Variants in URI1 observed in about 807,000 individuals in gnomAD.
URI1 encodes URI1 prefoldin like chaperone, also known as unconventional prefoldin RPB5 interactor 1.
In URI1, 39 loss-of-function variants were observed where a neutral mutation model predicts 60.2. That is an observed-to-expected ratio of 0.65 (90% CI 0.50 to 0.85). The LOEUF (loss-of-function observed/expected upper bound fraction) is 0.85, where lower values mean the gene tolerates loss of function less well. URI1 is among the 40% of genes least tolerant of loss of function. The pLI is 0.00. For missense variants in URI1, 691 were observed against 665.9 expected, an observed-to-expected ratio of 1.04 and a Z score of -0.42; for synonymous variants, 251 against 236.8, an observed-to-expected ratio of 1.06 and a Z score of -0.55.
rs1357688874 is a variant in URI1 at position 29,986,361 on chromosome 19, G to A, written c.311G>A (p.Trp104Ter). The A allele has an allele frequency of 6.2e-7, 1 of 1,610,070 alleles. No individual in the cohort carries two copies. Among genetic ancestry groups the A allele is most frequent in the East Asian group, 2.2e-5 (1 of 44,538 alleles). Residue 104 changes from tryptophan (W) to a stop codon, truncating the protein, a stop_gained, in exon 4 of 11, where the codon TGG (tryptophan) becomes TAG (stop). Coordinates refer to ENST00000392271, the MANE Select transcript of URI1 (RefSeq NM_003796.3). LOFTEE classifies it high-confidence loss of function. ...GTCACTGTTTTACTGGGGGACAACT[G>A]GTTTGCAAAGTGCTCAGCAAAGCAG... ...NEVTVLLGDN[W>*]FAKCSAKQAV...
intron 1 of URI1, among the ~76,000 whole-genome samples, chr19:29,964,452 G>GTTTTTTTTTTTTT (rs1380907956): frequency 3.6e-5 from 5 of 137,258 alleles, no homozygotes; most frequent in African/African-American, 1.4e-4. Flanking sequence ...TTTTGTTTTT[G>GTTTTTTTTTTTTT]TTTTTTGTTT....
chr19:30,012,564 AT>A, intron 10 of URI1, 33 bp downstream of exon 10: 1 of 1,600,134 alleles, frequency 6.2e-7, no homozygotes. Context: ...TCTTTATTTC[AT>A]ATAGTATCTT....
At chr19:29,996,032 C>T (rs918747920) in intron 4 of URI1, among the ~76,000 whole-genome samples, 1 of 152,044 alleles carries the variant, frequency 6.6e-6, no homozygotes, top group Non-Finnish European at 1.5e-5. Flanking sequence ...GTTTTGAAAA[C>T]AGAAAGATGA....
At chr19:29,926,067 TTTCCTTCC>T (rs752936111) in intron 1 of URI1, among the ~76,000 whole-genome samples, 7 of 152,012 alleles carry the variant, frequency 4.6e-5, no homozygotes, top group Non-Finnish European at 8.8e-5. Flanking sequence ...ATCTTCCTTC[TTTCCTTCC>T]TTCCTTCCTT....
intron 2 of URI1, among the ~76,000 whole-genome samples, chr19:29,981,992 A>C (rs1254344707): frequency 6.6e-6 from 1 of 152,186 alleles, no homozygotes; most frequent in East Asian, 1.9e-4. Flanking sequence ...GTGATCTTTA[A>C]CAGGATTATT....
chr19:29,996,858 G>T (rs12984293), intron 4 of URI1, among the ~76,000 whole-genome samples: 20 of 151,536 alleles, frequency 1.3e-4, no homozygotes, highest in Non-Finnish European at 2.7e-4. Flanking sequence ...GGATTCAATC[G>T]AGATTACCAT....
chr19:29,996,716 T>C (rs1357993875), intron 4 of URI1, among the ~76,000 whole-genome samples: 1 of 152,150 alleles, frequency 6.6e-6, no homozygotes, highest in African/African-American at 2.4e-5. Context: ...TCTTTCATCA[T>C]AGAGTGTGAT....
At chr19:30,006,708 C>G (rs2055947364) in intron 6 of URI1, among the ~76,000 whole-genome samples, 1 of 152,080 alleles carries the variant, frequency 6.6e-6, no homozygotes, top group African/African-American at 2.4e-5. Context: ...AGTGCCATAT[C>G]TCATAACAGG....
intron 4 of URI1, among the ~76,000 whole-genome samples, chr19:30,003,620 G>C (rs1288565765): frequency 6.6e-6 from 1 of 152,002 alleles, no homozygotes; most frequent in Non-Finnish European, 1.5e-5. Flanking sequence ...ACATGCGTGA[G>C]TTATGATGAA....
At chr19:29,946,879 C>G (rs1257465914) in intron 1 of URI1, among the ~76,000 whole-genome samples, 1 of 152,174 alleles carries the variant, frequency 6.6e-6, no homozygotes, top group Non-Finnish European at 1.5e-5. Flanking sequence ...CAAGTTCTTT[C>G]TTTCATGGTT....
chr19:30,011,005 TA>T lies in URI1; in HGVS notation c.1036-88del, dbSNP rs1479117237. 28 of 1,420,092 alleles carry T rather than the reference TA, an allele frequency of 2.0e-5. No individual in the cohort carries two copies. In the Admixed American group the frequency reaches 5.6e-4, roughly 29 times the overall value. 88.0% of individuals were successfully genotyped at this position (1,420,092 alleles called of 1,614,324 possible). A position where few individuals can be genotyped will look rare whatever the true frequency, so the allele number is the denominator to read the frequency against. On this transcript the variant is annotated intron_variant, in intron 8 of 10. Transcript: ENST00000392271. ...AAATTTCAGCTGCCTCTCTTACTAT[TA>T]TTTTTTTAGTTATAGAGTTTATTTG...
intron 2 of URI1, chr19:29,980,175 A>G (rs2145354858): frequency 6.6e-6 from 1 of 152,272 alleles, no homozygotes; most frequent in East Asian, 1.9e-4. Context: ...AAAGCCAGGC[A>G]TCCTTCAAGC....
intron 3 of URI1, among the ~76,000 whole-genome samples, 178 bp downstream of exon 3, chr19:29,985,479 C>T (rs1212663858): frequency 2.0e-5 from 3 of 150,408 alleles, no homozygotes; most frequent in South Asian, 4.2e-4. Flanking sequence ...TGGTATTTAC[C>T]TTTTTTTTTC....
At chr19:29,968,851 G>A (rs2055423693) in intron 1 of URI1, among the ~76,000 whole-genome samples, 1 of 151,682 alleles carries the variant, frequency 6.6e-6, no homozygotes. Context: ...GATTACAGGC[G>A]TGAGCCACCG....
chr19:29,997,804 G>T (rs1352020321), intron 4 of URI1, among the ~76,000 whole-genome samples: 2 of 152,046 alleles, frequency 1.3e-5, no homozygotes, highest in Non-Finnish European at 2.9e-5. Context: ...TCACTCTGTT[G>T]CCCTGGCTGG....
At chr19:29,924,981 A>T (rs371337157) in intron 1 of URI1, among the ~76,000 whole-genome samples, 17 of 152,256 alleles carry the variant, frequency 1.1e-4, no homozygotes, top group African/African-American at 3.6e-4. Context: ...GATCACAGGC[A>T]TGCACCACCA....
At chr19:29,936,540 A>G (rs962131816) in intron 1 of URI1, among the ~76,000 whole-genome samples, 1 of 152,198 alleles carries the variant, frequency 6.6e-6, no homozygotes, top group African/African-American at 2.4e-5. Context: ...GAGTTTCAGT[A>G]TGAATCTCTG....
intron 1 of URI1, chr19:29,956,620 C>T (rs139184681): frequency 0.019 from 29,021 of 1,497,168 alleles, 556 homozygotes; most frequent in East Asian, 0.073. Flanking sequence ...CTGAACCCTG[C>T]GGATGTATTT....
rs1466631774 is a variant in URI1, at chr19:30,005,347, G to A, written c.368-14G>A. ...ATGCCATGCTTTACATAATGGTTGTGTTCATTGTTTCAGATGTAAGAAAAA... is the reference window on the plus strand; with the variant it reads ...ATGCCATGCTTTACATAATGGTTGTATTCATTGTTTCAGATGTAAGAAAAA... On this transcript the variant is annotated splice_polypyrimidine_tract_variant and intron_variant, in intron 4 of 10. Coordinates refer to ENST00000392271, the MANE Select transcript of URI1 (RefSeq NM_003796.3). The A allele has an allele frequency of 6.8e-7, 1 of 1,471,514 alleles. No individual in the cohort carries two copies. The allele number at this position is 1,471,514 out of a possible 1,614,324, so 91.2% of individuals were successfully genotyped here.
Sources: allele counts gnomAD v4.1 joint callset (sites outside exome capture counted in the v4.1 genomes callset), GRCh38; gene constraint gnomAD v4.1.1; transcripts MANE v1.5; gene names NCBI Gene and HGNC (gene_info 2026-07-23, HGNC 2026-07-21).